The following BLTP1 variants were observed in gnomAD, a reference collection of about 807,000 sequenced individuals.
BLTP1 encodes fragile site-associated protein.
the BLTP1 span, among the ~76,000 whole-genome samples, chr4:122,203,574 C>T: frequency 6.6e-6 from 1 of 151,734 alleles, no homozygotes; most frequent in Non-Finnish European, 1.5e-5. Context: ...CAGGAAAGTG[C>T]TTCCTTTTTC....
the BLTP1 span, chr4:122,209,680 A>G: frequency 1.9e-5 from 21 of 1,101,158 alleles, no homozygotes; most frequent in East Asian, 4.9e-4. Context: ...AAAATTAGTG[A>G]CAAGTATTTT....
the BLTP1 span, among the ~76,000 whole-genome samples, chr4:122,256,500 A>G: frequency 6.6e-6 from 1 of 152,204 alleles, no homozygotes; most frequent in Non-Finnish European, 1.5e-5. Flanking sequence ...GGTGTTCCTC[A>G]GAAAGTAAAC....
the BLTP1 span, chr4:122,209,421 G>C: frequency 7.6e-7 from 1 of 1,309,942 alleles, no homozygotes; most frequent in Non-Finnish European, 1.1e-6. Flanking sequence ...GAGATGGGTG[G>C]ATCACCTGAG....
the BLTP1 span, chr4:122,209,503 G>A: frequency 3.4e-6 from 1 of 296,360 alleles, no homozygotes; most frequent in African/African-American, 2.3e-5. Flanking sequence ...AAATTAGCTG[G>A]GCATCATGGC....
the BLTP1 span, chr4:122,209,924 T>C: frequency 6.2e-7 from 1 of 1,612,046 alleles, no homozygotes; most frequent in Non-Finnish European, 8.5e-7. Context: ...GAAACAATCA[T>C]GTAAGTGTTT....
chr4:122,215,360 T>A, the BLTP1 span: 4 of 980,464 alleles, frequency 4.1e-6, no homozygotes, highest in Non-Finnish European at 3.6e-6. Flanking sequence ...AGGGAATTTT[T>A]AAAAAATAAG....
chr4:122,205,652 T>C, the BLTP1 span, among the ~76,000 whole-genome samples: 15 of 149,338 alleles, frequency 1.0e-4, no homozygotes, highest in African/African-American at 3.5e-4. Context: ...TCTCTCTCTC[T>C]CTCTCTCTCT....
At chr4:122,328,093 T>C in the BLTP1 span, 1 of 1,514,730 alleles carries the variant, frequency 6.6e-7, no homozygotes, top group Non-Finnish European at 8.9e-7. Context: ...GTTTTTTCTT[T>C]TTACAATCAG....
the BLTP1 span, among the ~76,000 whole-genome samples, chr4:122,203,561 C>T: frequency 6.6e-6 from 1 of 151,756 alleles, no homozygotes; most frequent in Non-Finnish European, 1.5e-5. Context: ...GTAAGGCAGT[C>T]ATCAGGAAAG....
At chr4:122,353,031 T>C in the BLTP1 span, 3 of 1,614,078 alleles carry the variant, frequency 1.9e-6, no homozygotes, top group African/African-American at 4.0e-5. The surrounding 1 kb of genome is among the most constrained non-coding windows in gnomAD (Gnocchi z 4.3). Flanking sequence ...TGAGCTTACA[T>C]GGAAATCATA....
chr4:122,244,130 A>T, the BLTP1 span: 1 of 1,269,844 alleles, frequency 7.9e-7, no homozygotes, highest in Non-Finnish European at 1.1e-6. Context: ...GTTGATAGTT[A>T]TAAGTATATG....
At chr4:122,215,454 C>G in the BLTP1 span, 1 of 985,270 alleles carries the variant, frequency 1.0e-6, no homozygotes, top group African/African-American at 1.7e-5. Context: ...ATGCTGAAAC[C>G]TAATAGTAGT....
At chr4:122,199,582 A>G in the BLTP1 span, 115 of 723,644 alleles carry the variant, frequency 1.6e-4, no homozygotes, top group African/African-American at 1.8e-3. Flanking sequence ...GCTAGGGAAG[A>G]GGAGTGGATT....
the BLTP1 span, chr4:122,328,473 T>G: frequency 1.8e-5 from 17 of 943,842 alleles, no homozygotes; most frequent in African/African-American, 2.2e-4. Context: ...CTCGCTTGAG[T>G]GAGACTAACA....
At chr4:122,154,366 G>T in the BLTP1 span, 19 of 984,758 alleles carry the variant, frequency 1.9e-5, no homozygotes, top group Non-Finnish European at 2.3e-5. Flanking sequence ...GCTAGGGAAT[G>T]GGGGTGGGGT....
At chr4:122,224,177 C>T in the BLTP1 span, 9 of 745,160 alleles carry the variant, frequency 1.2e-5, no homozygotes, top group South Asian at 4.2e-4. Context: ...AAAGACTGGT[C>T]TCTTGTATTC....
the BLTP1 span, chr4:122,362,382 T>G: frequency 1.5e-6 from 1 of 674,554 alleles, no homozygotes; most frequent in Non-Finnish European, 2.4e-6. Context: ...GTTTGTAAGT[T>G]AACCTGTTCT....
the BLTP1 span, chr4:122,356,909 T>C: frequency 1.0e-6 from 1 of 985,390 alleles, no homozygotes; most frequent in Non-Finnish European, 1.2e-6. Flanking sequence ...TATCACAGAC[T>C]TTCTGAGTAC....
chr4:122,249,773 C>G, the BLTP1 span: 2 of 1,520,940 alleles, frequency 1.3e-6, no homozygotes, highest in Admixed American at 1.9e-5. Flanking sequence ...TTTCAGTAAC[C>G]TGAATCAACA....
Sources: allele counts gnomAD v4.1 joint callset (sites outside exome capture counted in the v4.1 genomes callset), GRCh38; gene constraint gnomAD v4.1.1; non-coding constraint Gnocchi (gnomAD v3.1); transcripts MANE v1.5; gene names NCBI Gene and HGNC (gene_info 2026-07-23, HGNC 2026-07-21).